Variants in KLHL29 observed in about 807,000 individuals in gnomAD.
KLHL29 encodes kelch like family member 29, also known as kelch-like protein 29.
KLHL29 carries 21 observed loss-of-function variants against 80.4 expected under a neutral mutation model. That is an observed-to-expected ratio of 0.26 (90% CI 0.19 to 0.38). The LOEUF is 0.38. Ranked by LOEUF, KLHL29 falls within the 10% of genes least tolerant of loss-of-function variation. The probability of loss-of-function intolerance (pLI) is 1.00; values close to 1 mark genes in which losing one functional copy is unlikely to be tolerated. For synonymous variants in KLHL29, 511 were observed against 526.8 expected, an observed-to-expected ratio of 0.97 and a Z score of 0.41; for missense variants, 867 against 1,223.9, an observed-to-expected ratio of 0.71 and a Z score of 4.35.
intron 2 of KLHL29, among the ~76,000 whole-genome samples, chr2:23,544,993 C>G (rs1387866257): frequency 6.6e-6 from 1 of 152,168 alleles, no homozygotes; most frequent in Non-Finnish European, 1.5e-5. Context: ...CAGGATCACT[C>G]TGGCTGCTGG....
Position 23,558,959 on chromosome 2 carries a change from G to A in KLHL29, c.-45-3193G>A, listed in dbSNP as rs80048150. The stretch of plus-strand genomic sequence containing the variant: ...TGAGGACCCAAACCCTGTTCTCAAG[G>A]TAGCAGATAGACAGCAGCCGTGGCT... On this transcript the variant is annotated intron_variant, in intron 2 of 13. Coordinates refer to ENST00000486442, the MANE Select transcript of KLHL29 (RefSeq NM_052920.2). Among the ~76,000 whole-genome samples the A allele has an allele frequency of 4.1e-3, 623 of 152,362 alleles. 5 individuals are homozygous for A. The highest frequency in any genetic ancestry group is 0.012 in the African/African-American group (479 of 41,588).
intron 5 of KLHL29, among the ~76,000 whole-genome samples, chr2:23,649,236 A>G (rs557371972): frequency 4.6e-5 from 7 of 151,442 alleles, no homozygotes; most frequent in Admixed American, 1.3e-4. Flanking sequence ...TCCAGCCCCC[A>G]CTCCTGATAC....
chr2:23,706,588 CCCT>C lies in KLHL29; in HGVS notation c.2558_2560del (p.Leu853del), dbSNP rs1378009082. The C allele has an allele frequency of 6.5e-7, 1 of 1,537,122 alleles. No homozygotes were observed. The highest frequency in any genetic ancestry group is 1.4e-5 in the African/African-American group (1 of 73,146). ...TACGAGCCCACAACCAACACATGGA[CCCT>C]CCTCCCCCACATGCCCTGCCCTGTG... On this transcript the variant is annotated inframe_deletion, in exon 14 of 14. Transcript: ENST00000486442.
chr2:23,695,803 C>A lies in KLHL29; in HGVS notation c.1723C>A (p.Arg575=). Residue 575 remains arginine, a synonymous_variant, in exon 9 of 14, where the codon CGG becomes AGG. Transcript: ENST00000486442. The surrounding 1 kb of genome is among the most constrained non-coding windows in gnomAD (Gnocchi z 7.6). ...CCAGGAGATGCAGACGCCCCGAACC[C>A]GGCCGCGCCTCTCTGCAGGTATGAA... is the stretch of plus-strand genomic sequence containing the variant. ...ARQEMQTPRT[R]PRLSAGVAEV... is the part of the protein sequence containing the mutation. 2 of 1,549,686 alleles carry A rather than the reference C, an allele frequency of 1.3e-6. No individual in the cohort carries two copies. The highest frequency in any genetic ancestry group is 1.2e-5 in the South Asian group (1 of 83,892).
At chr2:23,505,082 C>CT (rs1213174952) in intron 2 of KLHL29, among the ~76,000 whole-genome samples, 2 of 152,232 alleles carry the variant, frequency 1.3e-5, no homozygotes, top group Non-Finnish European at 2.9e-5. Flanking sequence ...CCAGAATGCT[C>CT]TGTCTTCTCT....
Position 23,706,493 on chromosome 2 carries a change from T to C in KLHL29, c.2457T>C (p.Leu819=). The change falls in exon 14 of 14, where the codon CTT becomes CTC. Residue 819 remains leucine, a synonymous_variant. Transcript: ENST00000486442. ...HSRQFCSAVV[L]DGKIYATGGI... ...TTTCCCCCAACAGTGCTGTGGTGCT[T>C]GATGGCAAGATTTATGCAACTGGAG... is the stretch of plus-strand genomic sequence containing the variant. 1.3e-6 allele frequency: 2 copies of C among 1,530,154 alleles called. No homozygotes were observed. The highest frequency in any genetic ancestry group is 1.7e-6 in the Non-Finnish European group (2 of 1,143,282). 94.8% of individuals were successfully genotyped at this position (1,530,154 alleles called of 1,614,324 possible).
chr2:23,404,720 A>G (rs1483877130), intron 1 of KLHL29, among the ~76,000 whole-genome samples: 1 of 152,254 alleles, frequency 6.6e-6, no homozygotes, highest in Non-Finnish European at 1.5e-5. Flanking sequence ...CGTCCTGCCG[A>G]GCCTGTAAGC....
rs1188862796 is a variant in KLHL29 at position 23,682,547 on chromosome 2, G to A, written c.941-1852G>A. Among the ~76,000 whole-genome samples, 1 of 152,212 alleles carries A rather than the reference G, an allele frequency of 6.6e-6. No homozygotes were observed. Among genetic ancestry groups the A allele is most frequent in the African/African-American group, 2.4e-5 (1 of 41,462 alleles). On this transcript the variant is annotated intron_variant, in intron 5 of 13. Coordinates refer to ENST00000486442, the MANE Select transcript of KLHL29 (RefSeq NM_052920.2). The surrounding 1 kb of genome is among the most constrained non-coding windows in gnomAD (Gnocchi z 4.1). ...CCAGAATCCCCTGTGGCTCCCTGGT[G>A]CCCCAGGATGAAGCTGGAGCTCCCA...
At chr2:23,514,923 C>T (rs1356974558) in intron 2 of KLHL29, among the ~76,000 whole-genome samples, 6 of 152,176 alleles carry the variant, frequency 3.9e-5, no homozygotes, top group Non-Finnish European at 7.3e-5. Flanking sequence ...TTAATGACTT[C>T]CCTGAACTTG....
intron 1 of KLHL29, among the ~76,000 whole-genome samples, chr2:23,473,790 C>G (rs748135446): frequency 1.3e-5 from 2 of 152,162 alleles, no homozygotes; most frequent in African/African-American, 2.4e-5. Flanking sequence ...GGGCCCTACG[C>G]AATCAGGATG....
intron 2 of KLHL29, among the ~76,000 whole-genome samples, chr2:23,499,681 C>T (rs1438254891): frequency 4.6e-5 from 7 of 152,182 alleles, no homozygotes; most frequent in Non-Finnish European, 1.0e-4. Flanking sequence ...ACAGCACTGT[C>T]GGCCCCCACC....
intron 5 of KLHL29, among the ~76,000 whole-genome samples, chr2:23,653,838 G>A (rs1670156305): frequency 6.6e-6 from 1 of 152,082 alleles, no homozygotes; most frequent in African/African-American, 2.4e-5. Flanking sequence ...TGGTGACAGT[G>A]GTTTTCAAAA....
chr2:23,479,121 C>T (rs1267627779), intron 2 of KLHL29, among the ~76,000 whole-genome samples: 1 of 151,708 alleles, frequency 6.6e-6, no homozygotes, highest in Non-Finnish European at 1.5e-5. Flanking sequence ...CACAGACACT[C>T]TGCTGCCCCC....
At chr2:23,386,098 C>T (rs1329486776) in intron 1 of KLHL29, among the ~76,000 whole-genome samples, 1 of 152,124 alleles carries the variant, frequency 6.6e-6, no homozygotes, top group East Asian at 1.9e-4. Context: ...TTGTGTGACC[C>T]CTGGCCGGAG....
chr2:23,428,083 C>T (rs1181991404), intron 1 of KLHL29, among the ~76,000 whole-genome samples: 3 of 152,270 alleles, frequency 2.0e-5, no homozygotes, highest in Non-Finnish European at 4.4e-5. Flanking sequence ...CCTGATGGAG[C>T]ATTGCAGGCT....
chr2:23,406,350 A>ATT (rs1666730534), intron 1 of KLHL29, among the ~76,000 whole-genome samples: 1 of 151,308 alleles, frequency 6.6e-6, no homozygotes, highest in African/African-American at 2.4e-5. Flanking sequence ...AAAAGAAAAG[A>ATT]AAACACACAT....
At chr2:23,665,216 A>C (rs916360576) in intron 5 of KLHL29, among the ~76,000 whole-genome samples, 1 of 152,190 alleles carries the variant, frequency 6.6e-6, no homozygotes, top group African/African-American at 2.4e-5. Flanking sequence ...ATTTCTCTCC[A>C]CTGGACTGGA....
At chr2:23,433,247 C>T (rs1020577665) in intron 1 of KLHL29, among the ~76,000 whole-genome samples, 1 of 152,226 alleles carries the variant, frequency 6.6e-6, no homozygotes, top group Non-Finnish European at 1.5e-5. Flanking sequence ...TGGCAAGAAA[C>T]CCCTCCAGAA....
intron 3 of KLHL29, among the ~76,000 whole-genome samples, chr2:23,634,178 A>G (rs1669548032): frequency 6.6e-6 from 1 of 152,094 alleles, no homozygotes; most frequent in Non-Finnish European, 1.5e-5. Context: ...TGCTTGGCAG[A>G]AGGCAGCCCC....
Sources: gnomAD v4.1 joint callset for allele counts (sites outside exome capture counted in the v4.1 genomes callset) on GRCh38, gnomAD v4.1.1 for gene constraint, Gnocchi (gnomAD v3.1) non-coding constraint, MANE v1.5 for transcripts, NCBI Gene and HGNC (gene_info 2026-07-23, HGNC 2026-07-21) for gene names.